The following RSPH6A variants were observed in gnomAD, a reference collection of about 807,000 sequenced individuals.
The protein encoded by RSPH6A is radial spoke head 6 homolog A, also known as radial spoke head protein 6 homolog A.
Under a neutral mutation model 66.1 loss-of-function variants are expected in RSPH6A, and 49 were observed. That is an observed-to-expected ratio of 0.74 (90% CI 0.59 to 0.94). The LOEUF is 0.94. Among genes scored for constraint, RSPH6A ranks in the 40% least tolerant of loss-of-function variants. The pLI is 0.00. For missense variants in RSPH6A, 977 were observed against 948.3 expected, an observed-to-expected ratio of 1.03 and a Z score of -0.40; for synonymous variants, 419 against 402.4, an observed-to-expected ratio of 1.04 and a Z score of -0.49.
At chr19:45,799,828 C>G (rs1970448169) in intron 5 of RSPH6A, among the ~76,000 whole-genome samples, 1 of 152,186 alleles carries the variant, frequency 6.6e-6, no homozygotes, top group Admixed American at 6.5e-5. Context: ...GGGCAGATCA[C>G]TCGAGGTCAG....
rs555414971 is a variant in RSPH6A, at chr19:45,795,886, C to T, written c.2137G>A (p.Glu713Lys). 4 of 1,608,732 alleles carry T rather than the reference C, an allele frequency of 2.5e-6. No individual in the cohort carries two copies. The highest frequency in any genetic ancestry group is 1.3e-5 in the African/African-American group (1 of 74,890). Residue 713 changes from glutamate (E) to lysine (K), a missense_variant, in exon 6 of 6, where the codon GAG becomes AAG. By Grantham distance (56) the Glu-to-Lys change is moderately conservative. Coordinates refer to ENST00000221538, the MANE Select transcript of RSPH6A (RefSeq NM_030785.4). ...GGTGGGCCTCAGTCATCTGTCTCCTCGCCCTCCTCCTCCTCCTCGCCCTCC... is the reference window on the plus strand; with the variant it reads ...GGTGGGCCTCAGTCATCTGTCTCCTTGCCCTCCTCCTCCTCCTCGCCCTCC... ...EEEGEEEEEG[E>K]ETDD
Position 45,815,017 on chromosome 19 carries a change from C to A in RSPH6A, c.160G>T (p.Ala54Ser), listed in dbSNP as rs770693674. 15 of 1,613,604 alleles carry A rather than the reference C, an allele frequency of 9.3e-6. No individual in the cohort carries two copies. The Admixed American group carries it at 2.3e-4, about 25-fold the overall frequency. ...CTGCCCCTCTGTGACCAACCAGGGG[C>A]GTTTCGCTGGGCGTCTGGAGGTATC... is the stretch of plus-strand genomic sequence containing the variant. ...QQIPPDAQRN[A>S]PGWSQRGSLS... Residue 54 changes from alanine to serine, a missense_variant, in exon 1 of 6, where the codon GCC (alanine) becomes TCC (serine). Physicochemically the swap from Ala to Ser is moderately conservative, Grantham distance 99 (BLOSUM62 1). Coordinates refer to ENST00000221538, the MANE Select transcript of RSPH6A (RefSeq NM_030785.4).
intron 1 of RSPH6A, among the ~76,000 whole-genome samples, chr19:45,812,626 G>A: frequency 6.6e-6 from 1 of 152,080 alleles, no homozygotes; most frequent in East Asian, 1.9e-4. Flanking sequence ...TCTAGGATCC[G>A]AGGAAGGAGC....
Position 45,795,821 on chromosome 19 carries a change from G to A in RSPH6A, c.*48C>T. 3 of 1,514,648 alleles carry A rather than the reference G, an allele frequency of 2.0e-6. No homozygotes were observed. Among genetic ancestry groups the A allele is most frequent in the Admixed American group, 1.8e-5 (1 of 56,314 alleles). The allele number at this position is 1,514,648 out of a possible 1,614,324, so 93.8% of individuals were successfully genotyped here. ...TAATCCATGCTAACTACCTCTAAGG[G>A]GAAATTTGCTATCTACCTGCTTGGG... On this transcript the variant is annotated 3_prime_UTR_variant, in exon 6 of 6. Coordinates refer to ENST00000221538, the MANE Select transcript of RSPH6A (RefSeq NM_030785.4).
Position 45,814,987 on chromosome 19 carries a change from A to C in RSPH6A, c.190T>G (p.Ser64Ala), listed in dbSNP as rs1419439056. 4.3e-6 allele frequency: 7 copies of C among 1,613,756 alleles called. No individual in the cohort carries two copies. The highest frequency in any genetic ancestry group is 2.2e-5 in the East Asian group (1 of 44,878). The part of the protein sequence containing the change: ...APGWSQRGSL[S>A]QQENLLMPQV... ...GGCATCAGCAAGTTCTCCTGTTGGGACAGGCTGCCCCTCTGTGACCAACCA... is the reference window on the plus strand; with the variant it reads ...GGCATCAGCAAGTTCTCCTGTTGGGCCAGGCTGCCCCTCTGTGACCAACCA... The change falls in exon 1 of 6, where the codon TCC (serine) becomes GCC (alanine). Residue 64 changes from serine to alanine, a missense_variant. Coordinates refer to ENST00000221538, the MANE Select transcript of RSPH6A (RefSeq NM_030785.4).
In RSPH6A at chr19:45,804,975, G is replaced by A; in HGVS notation, c.930C>T (p.Tyr310=). The A allele has an allele frequency of 6.2e-7, 1 of 1,613,416 alleles. No homozygotes were observed. Among genetic ancestry groups the A allele is most frequent in the Non-Finnish European group, 8.5e-7 (1 of 1,180,032 alleles). Residue 310 remains tyrosine (Y), a synonymous_variant, in exon 3 of 6, where the codon TAC becomes TAT. Coordinates refer to ENST00000221538, the MANE Select transcript of RSPH6A (RefSeq NM_030785.4). The surrounding 1 kb of genome is among the most constrained non-coding windows in gnomAD (Gnocchi z 5.8). ...PVPNIMETAF[Y]FEQAGVGLSS... Reference sequence around the variant, plus strand: ...TCAGGCCGACGCCGGCCTGCTCGAAGTAGAAGGCAGTCTCCATGATGTTGG... The same window carrying A: ...TCAGGCCGACGCCGGCCTGCTCGAAATAGAAGGCAGTCTCCATGATGTTGG...
chr19:45,810,616 A>G lies in RSPH6A; in HGVS notation c.875T>C (p.Met292Thr), dbSNP rs1600479404. 1 of 1,612,004 alleles carries G rather than the reference A, an allele frequency of 6.2e-7. No homozygotes were observed. ...SGGGTEGEQE[M>T]EEEVGETPVP... ...TGGCTCACTCACCACCTCCTCCTCC[A>G]TCTCCTGTTCGCCTTCAGTGCCGCC... The change falls in exon 2 of 6, where the codon ATG becomes ACG. Residue 292 changes from methionine (M) to threonine (T), a missense_variant. Physicochemically the swap from Met to Thr is moderately conservative, Grantham distance 81. Coordinates refer to ENST00000221538, the MANE Select transcript of RSPH6A (RefSeq NM_030785.4).
In RSPH6A at chr19:45,814,633, A is replaced by T. The variant is rs750543534; in HGVS notation, c.544T>A (p.Phe182Ile). The T allele has an allele frequency of 6.2e-7, 1 of 1,604,224 alleles. No homozygotes were observed. The change falls in exon 1 of 6, where the codon TTC (phenylalanine) becomes ATC (isoleucine). Residue 182 changes from phenylalanine to isoleucine, a missense_variant. By Grantham distance (21) the Phe-to-Ile change is conservative. Coordinates refer to ENST00000221538, the MANE Select transcript of RSPH6A (RefSeq NM_030785.4). Reference protein sequence around the residue: ...ALQFLPSELGFPHYSAQVPEP... With the variant: ...ALQFLPSELGIPHYSAQVPEP... ...GGCACCTGGGCACTGTAGTGTGGGAAGCCCAGCTCAGAGGGCAAGAACTGA... is the reference window on the plus strand; with the variant it reads ...GGCACCTGGGCACTGTAGTGTGGGATGCCCAGCTCAGAGGGCAAGAACTGA...
intron 2 of RSPH6A, among the ~76,000 whole-genome samples, chr19:45,806,770 C>T (rs983417544): frequency 1.9e-4 from 29 of 151,194 alleles, no homozygotes; most frequent in African/African-American, 4.9e-4. Flanking sequence ...TACATCTGCA[C>T]GGGCCACACA....
intron 5 of RSPH6A, among the ~76,000 whole-genome samples, chr19:45,796,674 A>C (rs760456918): frequency 1.3e-5 from 2 of 151,718 alleles, no homozygotes; most frequent in Non-Finnish European, 2.9e-5. Flanking sequence ...CACCTCGCCC[A>C]GCTAATTTTT....
rs1388367975 is a variant in RSPH6A at position 45,804,905 on chromosome 19, C to T, written c.1000G>A (p.Val334Met). ...FRIFLAMKQL[V>M]EQQPIHTCRF... The stretch of plus-strand genomic sequence containing the variant: ...CAGGTGTGGATGGGCTGCTGCTCCA[C>T]CAGCTGTTTCATGGCCAGGAAAATG... Residue 334 changes from valine (V) to methionine (M), a missense_variant, in exon 3 of 6, where the codon GTG becomes ATG. Physicochemically the swap from Val to Met is conservative, Grantham distance 21. Coordinates refer to ENST00000221538, the MANE Select transcript of RSPH6A (RefSeq NM_030785.4). The surrounding 1 kb of genome is among the most constrained non-coding windows in gnomAD (Gnocchi z 5.8). The T allele has an allele frequency of 6.2e-7, 1 of 1,614,224 alleles. No homozygotes were observed. The highest frequency in any genetic ancestry group is 8.5e-7 in the Non-Finnish European group (1 of 1,180,032).
chr19:45,813,154 C>T (rs1970650277), intron 1 of RSPH6A, among the ~76,000 whole-genome samples: 1 of 152,098 alleles, frequency 6.6e-6, no homozygotes, highest in Admixed American at 6.6e-5. Flanking sequence ...CGCTCTCCCT[C>T]TTCCTCCCTT....
chr19:45,803,981 G>A (rs1465107313), intron 3 of RSPH6A, among the ~76,000 whole-genome samples: 6 of 136,284 alleles, frequency 4.4e-5, no homozygotes, highest in Non-Finnish European at 6.1e-5. Flanking sequence ...TGACAAGAGC[G>A]AGACTCTGTC....
chr19:45,814,190 C>T (rs975296935), intron 1 of RSPH6A, among the ~76,000 whole-genome samples: 2 of 152,030 alleles, frequency 1.3e-5, no homozygotes, highest in East Asian at 1.9e-4. Flanking sequence ...GCTTGGGGAG[C>T]CAAATCACGT....
chr19:45,814,484 C>G (rs1251529113), intron 1 of RSPH6A, 43 bp downstream of exon 1: 1 of 1,447,962 alleles, frequency 6.9e-7, no homozygotes, highest in East Asian at 2.5e-5. Flanking sequence ...GGGCCCCTCC[C>G]TGCCTGGGTC....
At chr19:45,814,468 C>T (rs1042375218) in intron 1 of RSPH6A, 59 bp downstream of exon 1, 37 of 1,431,832 alleles carry the variant, frequency 2.6e-5, no homozygotes, top group South Asian at 3.2e-5. Context: ...GCAGGCACTT[C>T]GGGTGGGGCC....
rs144448874 is a variant in RSPH6A at position 45,804,932 on chromosome 19, G to A, written c.973C>T (p.Arg325Cys). 4.0e-5 allele frequency: 64 copies of A among 1,614,052 alleles called. No homozygotes were observed. The highest frequency in any genetic ancestry group is 5.3e-5 in the African/African-American group (4 of 74,924). Residue 325 changes from arginine to cysteine, a missense_variant, in exon 3 of 6, where the codon CGC (arginine) becomes TGC (cysteine). Arg to Cys is a radical substitution (Grantham distance 180). Coordinates refer to ENST00000221538, the MANE Select transcript of RSPH6A (RefSeq NM_030785.4). This position sits in a 1 kb window ranked among gnomAD's most constrained non-coding sequence, Gnocchi z 5.8. ...GVGLSSDESF[R>C]IFLAMKQLVE... ...AGCTGTTTCATGGCCAGGAAAATGC[G>A]GAAGCTCTCGTCCGAGCTCAGGCCG...
At chr19:45,796,325 TG>T (rs941140230) in intron 5 of RSPH6A, among the ~76,000 whole-genome samples, 3 of 151,704 alleles carry the variant, frequency 2.0e-5, no homozygotes, top group African/African-American at 7.3e-5. Flanking sequence ...AGCTAATTTT[TG>T]TATTTTTGGT....
In RSPH6A at chr19:45,795,892, C is replaced by CCTCCTCCTCCTCGCCCTT. The variant is rs775280393; in HGVS notation, c.2130_2131insAAGGGCGAGGAGGAGGAG (p.Glu710_Glu711insLysGlyGluGluGluGlu). The CCTCCTCCTCCTCGCCCTT allele has an allele frequency of 6.8e-6, 11 of 1,608,680 alleles. No individual in the cohort carries two copies. In the South Asian group the frequency reaches 1.2e-4, roughly 18 times the overall value. On this transcript the variant is annotated inframe_insertion, in exon 6 of 6. Transcript: ENST00000221538. ...CCTCAGTCATCTGTCTCCTCGCCCT[C>CCTCCTCCTCCTCGCCCTT]CTCCTCCTCCTCGCCCTCCTCCTCC... is the stretch of plus-strand genomic sequence containing the variant.
Sources: allele counts gnomAD v4.1 joint callset (sites outside exome capture counted in the v4.1 genomes callset), GRCh38; gene constraint gnomAD v4.1.1; non-coding constraint Gnocchi (gnomAD v3.1); transcripts MANE v1.5; gene names NCBI Gene and HGNC (gene_info 2026-07-23, HGNC 2026-07-21).